Variants in PCSK5 observed in about 807,000 individuals in gnomAD.
The protein encoded by PCSK5 is prohormone convertase 5.
In PCSK5, 129 loss-of-function variants were observed where a neutral mutation model predicts 233.2. That is an observed-to-expected ratio of 0.55 (90% CI 0.48 to 0.64). The LOEUF (loss-of-function observed/expected upper bound fraction) is 0.64, where lower values mean the gene tolerates loss of function less well. Among genes scored for constraint, PCSK5 ranks in the 30% least tolerant of loss-of-function variants. PCSK5 has a pLI of 0.00. For missense variants in PCSK5, 2,076 were observed against 2,430.1 expected (o/e 0.85, Z 3.06); for synonymous variants, 825 against 879.2 (o/e 0.94, Z 1.09).
At chr9:76,149,501 T>C (rs368904769) in intron 10 of PCSK5, among the ~76,000 whole-genome samples, 1 of 152,186 alleles carries the variant, frequency 6.6e-6, no homozygotes, top group Non-Finnish European at 1.5e-5. Context: ...AAAAGTAATA[T>C]GTAAATAATC....
At chr9:76,081,110 C>G (rs1830817023) in intron 7 of PCSK5, among the ~76,000 whole-genome samples, 1 of 152,032 alleles carries the variant, frequency 6.6e-6, no homozygotes, top group Admixed American at 6.6e-5. Flanking sequence ...GTTTTATTGT[C>G]AAGTATACTT....
chr9:76,226,120 G>C (rs1002276027), intron 20 of PCSK5, among the ~76,000 whole-genome samples: 4 of 152,300 alleles, frequency 2.6e-5, no homozygotes, highest in African/African-American at 9.6e-5. Context: ...AGGAGACATA[G>C]AGGAACAGAG....
chr9:76,138,992 C>G (rs1823091113), intron 10 of PCSK5, among the ~76,000 whole-genome samples: 1 of 151,298 alleles, frequency 6.6e-6, no homozygotes. Context: ...TAATTTCTAA[C>G]TGATTACCAA....
intron 8 of PCSK5, among the ~76,000 whole-genome samples, chr9:76,097,246 CTTTTT>C (rs71372046): frequency 1.5e-5 from 1 of 67,328 alleles, no homozygotes; most frequent in Admixed American, 2.5e-4. Context: ...AAGTGCATTT[CTTTTT>C]TTTTTTTTTT....
At chr9:76,072,005 T>G in intron 7 of PCSK5, 107 bp downstream of exon 7, 1 of 1,059,144 alleles carries the variant, frequency 9.4e-7, no homozygotes, top group Non-Finnish European at 1.3e-6. Context: ...ATGGAGCTCC[T>G]AGGCTGAGCC....
chr9:76,248,959 A>C (rs540674604), intron 24 of PCSK5, among the ~76,000 whole-genome samples: 1 of 152,176 alleles, frequency 6.6e-6, no homozygotes, highest in East Asian at 1.9e-4. Context: ...GGTGGGGTCT[A>C]GCTATGTTGC....
At chr9:76,308,300 C>T (rs926050083) in intron 28 of PCSK5, among the ~76,000 whole-genome samples, 1 of 152,258 alleles carries the variant, frequency 6.6e-6, no homozygotes, top group Non-Finnish European at 1.5e-5. Flanking sequence ...CACACAAATA[C>T]AAACTCACTC....
intron 1 of PCSK5, among the ~76,000 whole-genome samples, chr9:75,915,461 C>T (rs867403865): frequency 6.6e-6 from 1 of 152,178 alleles, no homozygotes. Flanking sequence ...CTGTGGGAAC[C>T]ATTCCCCACT....
intron 32 of PCSK5, among the ~76,000 whole-genome samples, chr9:76,325,177 A>T (rs868779522): frequency 6.6e-6 from 1 of 152,028 alleles, no homozygotes; most frequent in African/African-American, 2.4e-5. Context: ...CAGGCTGTGG[A>T]GCTGGGAATG....
chr9:76,321,245 T>G (rs535131872), intron 30 of PCSK5, among the ~76,000 whole-genome samples, 177 bp from the exon 31 acceptor site: 1 of 152,150 alleles, frequency 6.6e-6, no homozygotes, highest in Non-Finnish European at 1.5e-5. Context: ...ATAATGCTTG[T>G]CCTTTTCCTT....
Position 76,333,035 on chromosome 9 carries a change from G to A in PCSK5, c.4748+425G>A, listed in dbSNP as rs1829579433. On this transcript the variant is annotated intron_variant, in intron 34 of 37. Coordinates refer to ENST00000674117, the MANE Select transcript of PCSK5 (RefSeq NM_001372043.1). ...AAAATATTAAAATAAGATTAGCTGG[G>A]CATGGTGCCATCAGGCTATAGTCCC... Among the ~76,000 whole-genome samples, 4 of 152,326 alleles carry A rather than the reference G, an allele frequency of 2.6e-5. No homozygotes were observed. In the South Asian group the frequency reaches 8.3e-4, roughly 32 times the overall value.
chr9:76,249,542 C>T (rs1205809268), intron 24 of PCSK5, among the ~76,000 whole-genome samples: 1 of 152,182 alleles, frequency 6.6e-6, no homozygotes, highest in African/African-American at 2.4e-5. Context: ...AGCTACAATA[C>T]CCCAGCAGCA....
chr9:76,086,800 A>G (rs1831082085), intron 7 of PCSK5, among the ~76,000 whole-genome samples: 1 of 152,130 alleles, frequency 6.6e-6, no homozygotes, highest in Admixed American at 6.5e-5. Flanking sequence ...TCATTTCCTT[A>G]GTTCCCTTAT....
chr9:76,179,717 C>A lies in PCSK5; in HGVS notation c.2003+19C>A. On this transcript the variant is annotated intron_variant, in intron 15 of 37. Coordinates refer to ENST00000674117, the MANE Select transcript of PCSK5 (RefSeq NM_001372043.1). ...ATACCAGGTAAGAGAGGTGCCAAGT[C>A]ACATCCCCACAGCATGTGCCAGGCA... The A allele has an allele frequency of 2.0e-6, 3 of 1,511,430 alleles. No individual in the cohort carries two copies. The South Asian group carries it at 3.4e-5, about 17-fold the overall frequency. The allele number at this position is 1,511,430 out of a possible 1,614,324, so 93.6% of individuals were successfully genotyped here.
intron 24 of PCSK5, among the ~76,000 whole-genome samples, chr9:76,243,759 A>G (rs1202541371): frequency 8.0e-6 from 1 of 124,330 alleles, no homozygotes; most frequent in Non-Finnish European, 1.8e-5. Context: ...CCCAGGACAT[A>G]ATAAATATGA....
At chr9:76,242,016 G>A (rs1826446137) in intron 24 of PCSK5, among the ~76,000 whole-genome samples, 1 of 152,194 alleles carries the variant, frequency 6.6e-6, no homozygotes, top group African/African-American at 2.4e-5. Flanking sequence ...CACTCATGAA[G>A]TTACTAGGGG....
chr9:76,205,964 GAGT>G (rs1331835365), intron 20 of PCSK5, among the ~76,000 whole-genome samples: 1 of 152,164 alleles, frequency 6.6e-6, no homozygotes, highest in Non-Finnish European at 1.5e-5. Flanking sequence ...CAATAACCCA[GAGT>G]AGCAAGCAGC....
chr9:75,916,059 T>C (rs772135695), intron 1 of PCSK5, among the ~76,000 whole-genome samples: 28 of 152,326 alleles, frequency 1.8e-4, no homozygotes, highest in South Asian at 1.2e-3. Context: ...TCAGTGGACT[T>C]TTTATGTTAA....
chr9:75,932,272 C>CT, intron 1 of PCSK5, 107 bp from the exon 2 acceptor site: 1 of 686,586 alleles, frequency 1.5e-6, no homozygotes, highest in Non-Finnish European at 2.5e-6. Flanking sequence ...ATTTATGGAC[C>CT]TTTTTTGTTT....
Sources: gnomAD v4.1 joint callset for allele counts (sites outside exome capture counted in the v4.1 genomes callset) on GRCh38, gnomAD v4.1.1 for gene constraint, MANE v1.5 for transcripts, NCBI Gene and HGNC (gene_info 2026-07-23, HGNC 2026-07-21) for gene names.